The following ANKIB1 variants were observed in gnomAD, a reference collection of about 807,000 sequenced individuals.
ANKIB1 encodes ankyrin repeat and IBR domain-containing protein 1.
Under a neutral mutation model 122.1 loss-of-function variants are expected in ANKIB1, and 43 were observed. That is an observed-to-expected ratio of 0.35 (90% CI 0.28 to 0.45). The LOEUF (loss-of-function observed/expected upper bound fraction) is 0.45, where lower values mean the gene tolerates loss of function less well. Among genes scored for constraint, ANKIB1 ranks in the 20% least tolerant of loss-of-function variants. ANKIB1 has a pLI of 1.00. For synonymous variants in ANKIB1, 390 were observed against 442.0 expected, an observed-to-expected ratio of 0.88 and a Z score of 1.48; for missense variants, 992 against 1,329.5, an observed-to-expected ratio of 0.75 and a Z score of 3.95.
chr7:92,264,420 CAG>C lies in ANKIB1; in HGVS notation c.-91+17904_-91+17905del, dbSNP rs1801627583. ...ATTTTTTTTTTTTTAAATTTTGAGACAGAGTCTTGCCCTGTCACCCAGGGTGG... is the reference window on the plus strand; with the variant it reads ...ATTTTTTTTTTTTTAAATTTTGAGACAGTCTTGCCCTGTCACCCAGGGTGG... On this transcript the variant is annotated intron_variant, in intron 1 of 19. Coordinates refer to ENST00000265742, the MANE Select transcript of ANKIB1 (RefSeq NM_019004.2). Among the ~76,000 whole-genome samples, 3 of 151,702 alleles carry C rather than the reference CAG, an allele frequency of 2.0e-5. No individual in the cohort carries two copies. The East Asian group carries it at 5.8e-4, about 29-fold the overall frequency.
At chr7:92,352,206 T>C (rs1803680124) in intron 8 of ANKIB1, among the ~76,000 whole-genome samples, 1 of 152,226 alleles carries the variant, frequency 6.6e-6, no homozygotes, top group Non-Finnish European at 1.5e-5. Flanking sequence ...ATTACATTTT[T>C]GCTTTATCAT....
chr7:92,274,592 A>G (rs1435233312), intron 1 of ANKIB1, among the ~76,000 whole-genome samples: 3 of 152,180 alleles, frequency 2.0e-5, no homozygotes, highest in Non-Finnish European at 2.9e-5. Context: ...ATGTTTCAGA[A>G]CAGGAGCACT....
At position 92,387,865 on chromosome 7, in the gene ANKIB1, A is replaced by G; in HGVS notation, c.1820A>G (p.Asn607Ser). The change falls in exon 13 of 20, where the codon AAC becomes AGC. Residue 607 changes from asparagine to serine, a missense_variant. Around this residue, in one of 4 missense-constraint regions of ANKIB1, gnomAD observed 521 missense variants for 777.7 expected, o/e 0.67. Transcript: ENST00000265742. ...ATGCACTATTATACAAGATTTAAAA[A>G]CCATGAGCATAGTTATCAGGTATGT... ...RFMHYYTRFK[N>S]HEHSYQLEQR... 1 of 1,612,686 alleles carries G rather than the reference A, an allele frequency of 6.2e-7. No individual in the cohort carries two copies. Among genetic ancestry groups the G allele is most frequent in the Non-Finnish European group, 8.5e-7 (1 of 1,179,412 alleles).
intron 1 of ANKIB1, among the ~76,000 whole-genome samples, chr7:92,277,712 C>T (rs1801932437): frequency 6.6e-6 from 1 of 152,008 alleles, no homozygotes; most frequent in African/African-American, 2.4e-5. Flanking sequence ...TTTGGGAGGC[C>T]AGTGCCAGAG....
At chr7:92,330,332 G>C (rs7785589) in intron 5 of ANKIB1, among the ~76,000 whole-genome samples, 1 of 151,850 alleles carries the variant, frequency 6.6e-6, no homozygotes, top group Admixed American at 6.6e-5. Flanking sequence ...TATTGTTTCC[G>C]TAATACCTAA....
At chr7:92,356,764 C>T (rs540560427) in intron 9 of ANKIB1, among the ~76,000 whole-genome samples, 2 of 152,310 alleles carry the variant, frequency 1.3e-5, no homozygotes, top group South Asian at 4.1e-4. Flanking sequence ...TTAGCTTATC[C>T]ACTCTTTACT....
intron 1 of ANKIB1, among the ~76,000 whole-genome samples, chr7:92,253,199 A>T (rs1318025872): frequency 6.6e-6 from 1 of 152,212 alleles, no homozygotes; most frequent in African/African-American, 2.4e-5. Flanking sequence ...TGAAATGTTT[A>T]TGAATGCCTT....
chr7:92,364,402 C>G (rs939458933), intron 10 of ANKIB1, among the ~76,000 whole-genome samples: 3 of 151,408 alleles, frequency 2.0e-5, no homozygotes, highest in Admixed American at 6.6e-5. Context: ...TCATACCCAC[C>G]CATTTCCCCT....
chr7:92,357,980 C>T (rs373845126), intron 9 of ANKIB1, among the ~76,000 whole-genome samples: 38 of 152,240 alleles, frequency 2.5e-4, no homozygotes, highest in African/African-American at 8.9e-4. Context: ...CAGTGGCTCA[C>T]GCCTGTAATC....
At chr7:92,371,713 C>A (rs1804258334) in intron 11 of ANKIB1, 106 bp downstream of exon 11, 2 of 1,300,308 alleles carry the variant, frequency 1.5e-6, no homozygotes, top group South Asian at 1.4e-5. Context: ...TGCAGTGGCT[C>A]TTGCCTATAA....
At chr7:92,393,264 C>T (rs1804824150) in intron 17 of ANKIB1, among the ~76,000 whole-genome samples, 1 of 151,774 alleles carries the variant, frequency 6.6e-6, no homozygotes. Context: ...GTAGATACAT[C>T]CAAGAAAATA....
Position 92,396,324 on chromosome 7 carries a change from T to G in ANKIB1, c.2284-41T>G, listed in dbSNP as rs774206293. The stretch of plus-strand genomic sequence containing the variant: ...CTTTGTTTTATTTGCATTTTAAAAA[T>G]TGCATGCTCTCTTGTATTTTATAAC... On this transcript the variant is annotated intron_variant, in intron 17 of 19. Transcript: ENST00000265742. 2.7e-6 allele frequency: 3 copies of G among 1,102,898 alleles called. No homozygotes were observed. The African/African-American group carries it at 4.7e-5, about 17-fold the overall frequency. The allele number at this position is 1,102,898 out of a possible 1,614,324, so 68.3% of individuals were successfully genotyped here.
intron 7 of ANKIB1, among the ~76,000 whole-genome samples, chr7:92,346,133 T>C (rs1206299340): frequency 6.6e-6 from 1 of 152,026 alleles, no homozygotes; most frequent in Non-Finnish European, 1.5e-5. Flanking sequence ...TCTGATTTTT[T>C]TTTTTCTTTT....
intron 9 of ANKIB1, among the ~76,000 whole-genome samples, chr7:92,360,154 A>G (rs1803910510): frequency 1.3e-5 from 2 of 152,136 alleles, no homozygotes; most frequent in Non-Finnish European, 2.9e-5. Flanking sequence ...ATAACATTTC[A>G]TAACCACTTT....
rs1803064275 is a variant in ANKIB1, at chr7:92,327,990, C to T, written c.787+90C>T. On this transcript the variant is annotated intron_variant, in intron 5 of 19. Coordinates refer to ENST00000265742, the MANE Select transcript of ANKIB1 (RefSeq NM_019004.2). ...AAAGGGCTATTTTTGTATTTGAATACAGAACAAAATGGTTTGTTAAAAAAG... is the reference window on the plus strand; with the variant it reads ...AAAGGGCTATTTTTGTATTTGAATATAGAACAAAATGGTTTGTTAAAAAAG... 21 of 817,138 alleles carry T rather than the reference C, an allele frequency of 2.6e-5. No homozygotes were observed. In the South Asian group the frequency reaches 3.3e-4, roughly 13 times the overall value. 50.6% of individuals were successfully genotyped at this position (817,138 alleles called of 1,614,324 possible).
intron 10 of ANKIB1, 27 bp from the exon 11 acceptor site, chr7:92,371,450 T>G: frequency 6.3e-7 from 1 of 1,586,022 alleles, no homozygotes; most frequent in Non-Finnish European, 8.6e-7. Context: ...ATCATTTATT[T>G]TTGTGATTGT....
chr7:92,313,494 A>C (rs1312565079), intron 3 of ANKIB1, among the ~76,000 whole-genome samples: 2 of 152,184 alleles, frequency 1.3e-5, no homozygotes, highest in African/African-American at 4.8e-5. Context: ...TTTTTAATCA[A>C]GATACTTATG....
At chr7:92,293,051 A>G (rs1802283964) in intron 1 of ANKIB1, among the ~76,000 whole-genome samples, 1 of 152,238 alleles carries the variant, frequency 6.6e-6, no homozygotes, top group Non-Finnish European at 1.5e-5. Flanking sequence ...GTGCTGCTAT[A>G]GTAAGTAGGT....
intron 1 of ANKIB1, among the ~76,000 whole-genome samples, chr7:92,247,017 TG>T (rs1801108212): frequency 6.6e-6 from 1 of 151,692 alleles, no homozygotes; most frequent in African/African-American, 2.4e-5. Flanking sequence ...AGCGCTCCCC[TG>T]TATTCTTATT....
Sources: gnomAD v4.1 joint callset for allele counts (sites outside exome capture counted in the v4.1 genomes callset) on GRCh38, gnomAD v4.1.1 for gene constraint, gnomAD v4.1.1 regional missense constraint, MANE v1.5 for transcripts, NCBI Gene and HGNC (gene_info 2026-07-23, HGNC 2026-07-21) for gene names.